DEPDC5: variants seen among roughly 807,000 people sequenced by gnomAD.
DEPDC5 encodes the protein GATOR1 complex protein DEPDC5.
A neutral mutation model predicts 217.3 loss-of-function variants in DEPDC5; 73 were observed. The ratio of observed to expected loss-of-function variants is 0.34; its 90% CI spans 0.28 to 0.41. The LOEUF is 0.41. DEPDC5 is among the 10% of genes least tolerant of loss of function. DEPDC5 has a pLI of 1.00. For missense variants in DEPDC5, 1,675 were observed against 2,070.1 expected (o/e 0.81, Z 3.70); for synonymous variants, 733 against 756.7 (o/e 0.97, Z 0.51).
rs571246416 is a variant in DEPDC5, at chr22:31,782,952, G to A, written c.484-955G>A. 1.4e-4 allele frequency among the ~76,000 whole-genome samples: 21 copies of A among 152,316 alleles called. 1 individual carries two copies. The South Asian group carries it at 4.3e-3, about 32-fold the overall frequency. The stretch of plus-strand genomic sequence containing the variant: ...TAGAAGTCCCAAGTCATGGCCCCGA[G>A]CTGTGGCTCATGCTTATTCCCAACA... On this transcript the variant is annotated intron_variant, in intron 8 of 42. Transcript: ENST00000651528.
intron 20 of DEPDC5, among the ~76,000 whole-genome samples, chr22:31,811,901 G>A (rs2088394959): frequency 6.6e-6 from 1 of 152,040 alleles, no homozygotes; most frequent in African/African-American, 2.4e-5. Flanking sequence ...TCATTTGTGG[G>A]TCTTGTGTAA....
chr22:31,892,767 C>T (rs117627109), intron 38 of DEPDC5, among the ~76,000 whole-genome samples: 91 of 152,116 alleles, frequency 6.0e-4, no homozygotes, highest in East Asian at 1.7e-3. Context: ...CATCCCCAGA[C>T]GGAGTAGTCC....
At chr22:31,877,545 T>C (rs1299197107) in intron 37 of DEPDC5, among the ~76,000 whole-genome samples, 1 of 137,644 alleles carries the variant, frequency 7.3e-6, no homozygotes. Context: ...AGGTCAGGAG[T>C]TGGAGACTAG....
chr22:31,762,477 T>C (rs757353925), intron 4 of DEPDC5, among the ~76,000 whole-genome samples: 2 of 152,298 alleles, frequency 1.3e-5, no homozygotes, highest in Non-Finnish European at 2.9e-5. Flanking sequence ...CTAAAGGGCT[T>C]TGATGGCTGG....
At chr22:31,769,042 C>T (rs1192800168) in intron 7 of DEPDC5, 179 bp downstream of exon 7, 16 of 640,090 alleles carry the variant, frequency 2.5e-5, no homozygotes, top group Middle Eastern at 4.4e-4. Flanking sequence ...GGGCGGATCA[C>T]GAGGTCAGGA....
chr22:31,850,378 GAGAA>G (rs1183274183), intron 31 of DEPDC5, among the ~76,000 whole-genome samples: 2 of 152,078 alleles, frequency 1.3e-5, no homozygotes, highest in African/African-American at 2.4e-5. Context: ...AAGATATTTT[GAGAA>G]AGAAAAAGAG....
At chr22:31,795,303 C>T (rs1213932797) in intron 12 of DEPDC5, among the ~76,000 whole-genome samples, 1 of 151,912 alleles carries the variant, frequency 6.6e-6, no homozygotes. Flanking sequence ...CTCCTGACCT[C>T]AGGTGATCCA....
At chr22:31,893,113 A>G (rs1485917390) in intron 38 of DEPDC5, among the ~76,000 whole-genome samples, 1 of 151,850 alleles carries the variant, frequency 6.6e-6, no homozygotes, top group African/African-American at 2.4e-5. Flanking sequence ...TGACCTCGTG[A>G]TCTGCTTGCG....
chr22:31,815,386 T>C, intron 21 of DEPDC5, 174 bp downstream of exon 21: 1 of 75,272 alleles, frequency 1.3e-5, no homozygotes, highest in Non-Finnish European at 2.5e-5. Flanking sequence ...ATTATACTTC[T>C]TTTTTTTTTT....
chr22:31,839,400 A>G (rs2091250737), intron 27 of DEPDC5, among the ~76,000 whole-genome samples: 1 of 152,296 alleles, frequency 6.6e-6, no homozygotes, highest in South Asian at 2.1e-4. Flanking sequence ...GAGCTCCTCT[A>G]AAATAAGTCT....
At chr22:31,849,956 C>T (rs905108722) in intron 31 of DEPDC5, among the ~76,000 whole-genome samples, 4 of 151,868 alleles carry the variant, frequency 2.6e-5, no homozygotes, top group African/African-American at 9.7e-5. Context: ...TGGGTAGGGA[C>T]ACAGCCAAAC....
At position 31,879,625 on chromosome 22, in the gene DEPDC5, G is replaced by A; in HGVS notation, c.3906G>A (p.Glu1302=). 1 of 1,614,058 alleles carries A rather than the reference G, an allele frequency of 6.2e-7. No individual in the cohort carries two copies. Among genetic ancestry groups the A allele is most frequent in the Non-Finnish European group, 8.5e-7 (1 of 1,180,032 alleles). The change falls in exon 38 of 43, where the codon GAG becomes GAA. Residue 1302 remains glutamate (E), a synonymous_variant. Coordinates refer to ENST00000651528, the MANE Select transcript of DEPDC5 (RefSeq NM_001242896.3). The stretch of plus-strand genomic sequence containing the variant: ...TTGAGGTGGCCTTTGTGGCAGAAGA[G>A]CTCGTGCACTCTGAGATTCCTGCCT... The part of the protein sequence containing the change: ...KWFEVAFVAE[E]LVHSEIPAFL...
At chr22:31,849,255 A>T (rs1315507103) in intron 31 of DEPDC5, among the ~76,000 whole-genome samples, 1 of 151,974 alleles carries the variant, frequency 6.6e-6, no homozygotes, top group Non-Finnish European at 1.5e-5. Flanking sequence ...GCAGTGCCTC[A>T]CTCCCCAGTA....
intron 39 of DEPDC5, among the ~76,000 whole-genome samples, chr22:31,896,000 T>C (rs534303003): frequency 6.6e-6 from 1 of 151,626 alleles, no homozygotes; most frequent in African/African-American, 2.4e-5. Context: ...CTCTCCTTGC[T>C]GGCCCTACTA....
chr22:31,777,067 G>A (rs5998122), intron 7 of DEPDC5, among the ~76,000 whole-genome samples: 49,040 of 148,626 alleles, frequency 0.33, 9,058 homozygotes, highest in African/African-American at 0.52. Context: ...GGTTCAAACG[G>A]TTCTCCTGCC....
intron 20 of DEPDC5, among the ~76,000 whole-genome samples, chr22:31,811,951 A>C (rs1210812353): frequency 1.3e-5 from 2 of 151,914 alleles, no homozygotes; most frequent in African/African-American, 4.8e-5. Flanking sequence ...TGTGTATTTC[A>C]TATTTTCTTC....
chr22:31,809,517 G>A, intron 18 of DEPDC5, 94 bp from the exon 19 acceptor site: 1 of 1,380,060 alleles, frequency 7.2e-7, no homozygotes, highest in South Asian at 1.2e-5. Flanking sequence ...GTTACAGGCT[G>A]TCTTCCCTGG....
chr22:31,776,019 C>T (rs1378167122), intron 7 of DEPDC5, among the ~76,000 whole-genome samples: 8 of 127,242 alleles, frequency 6.3e-5, no homozygotes, highest in South Asian at 2.6e-4. Flanking sequence ...CCAGACTGGG[C>T]GACAGAGCGA....
At chr22:31,786,703 C>A (rs894542197) in intron 10 of DEPDC5, among the ~76,000 whole-genome samples, 4 of 151,788 alleles carry the variant, frequency 2.6e-5, no homozygotes, top group Non-Finnish European at 5.9e-5. Context: ...TTCCTGTGCT[C>A]AAGGGATCCT....
Sources: allele counts gnomAD v4.1 joint callset (sites outside exome capture counted in the v4.1 genomes callset), GRCh38; gene constraint gnomAD v4.1.1; transcripts MANE v1.5; gene names NCBI Gene and HGNC (gene_info 2026-07-23, HGNC 2026-07-21).